The following URGCP variants were observed in gnomAD, a reference collection of about 807,000 sequenced individuals.
The protein encoded by URGCP is upregulator of cell proliferation.
In URGCP, 13 loss-of-function variants were observed where a neutral mutation model predicts 24.6. The ratio of observed to expected loss-of-function variants is 0.53; its 90% confidence interval spans 0.34 to 0.84. The LOEUF is 0.84. Ranked by LOEUF, URGCP falls within the 40% of genes least tolerant of loss-of-function variation. URGCP has a pLI of 0.01. For synonymous variants in URGCP, 444 were observed against 487.2 expected (o/e 0.91, Z 1.17); for missense variants, 899 against 1,194.3 (o/e 0.75, Z 3.64).
At chr7:43,918,907 C>T in intron 1 of URGCP, 1 of 1,402,930 alleles carries the variant, frequency 7.1e-7, no homozygotes. Context: ...GACCTGGAGC[C>T]CCAGGTGATC....
chr7:43,914,364 G>A (rs2095913337), intron 1 of URGCP, among the ~76,000 whole-genome samples: 1 of 152,094 alleles, frequency 6.6e-6, no homozygotes, highest in African/African-American at 2.4e-5. Flanking sequence ...ATTTAGCCGG[G>A]TATGCTAATG....
rs1304687618 is a variant in URGCP at position 43,876,994 on chromosome 7, A to T, written c.2469T>A (p.His823Gln). ...GCCTAGGGCCGGGAACAGATACATC[A>T]TGAAGGTTCTGGTATACAAACTGGT... ...PNYQFVYQNL[H>Q]DVSVPGPRPR... The change falls in exon 6 of 6, where the codon CAT becomes CAA. Residue 823 changes from histidine (H) to glutamine (Q), a missense_variant. Physicochemically the swap from His to Gln is conservative, Grantham distance 24 (BLOSUM62 0). Transcript: ENST00000453200. 1 of 1,614,226 alleles carries T rather than the reference A, an allele frequency of 6.2e-7. No homozygotes were observed. The highest frequency in any genetic ancestry group is 1.7e-5 in the Admixed American group (1 of 60,036).
At chr7:43,886,117 G>A (rs1169878033) in intron 3 of URGCP, among the ~76,000 whole-genome samples, 1 of 152,076 alleles carries the variant, frequency 6.6e-6, no homozygotes, top group Non-Finnish European at 1.5e-5. Context: ...GTTAGTGCAT[G>A]GTAAGTACTC....
intron 1 of URGCP, among the ~76,000 whole-genome samples, chr7:43,895,445 GTGGA>G (rs1033335877): frequency 1.6e-4 from 24 of 152,218 alleles, no homozygotes; most frequent in African/African-American, 5.3e-4. Flanking sequence ...GGAGGCCAAG[GTGGA>G]TGGATTGTTT....
At chr7:43,898,075 T>A (rs1562582697) in intron 1 of URGCP, among the ~76,000 whole-genome samples, 1 of 151,944 alleles carries the variant, frequency 6.6e-6, no homozygotes, top group African/African-American at 2.4e-5. Flanking sequence ...ATAAAGGCAA[T>A]CCTTCAACGC....
At chr7:43,898,746 AAAAT>A (rs71563928) in intron 1 of URGCP, among the ~76,000 whole-genome samples, 5,720 of 143,858 alleles carry the variant, frequency 0.04, 305 homozygotes, top group African/African-American at 0.12. Context: ...CCCTGTCTCA[AAAAT>A]AAATAAATAA....
rs1373509406 is a variant in URGCP, at chr7:43,919,502, T to C, written c.-116+6630A>G. ...TCATTCCCACCCCATGGCTCCACTT[T>C]CTCATGACTGGCTACACCCAGCTGA... On this transcript the variant is annotated intron_variant, in intron 1 of 5. Transcript: ENST00000426198. 12 of 1,224,212 alleles carry C rather than the reference T, an allele frequency of 9.8e-6. No individual in the cohort carries two copies. The South Asian group carries it at 1.4e-4, about 15-fold the overall frequency. The allele number at this position is 1,224,212 out of a possible 1,614,324, so 75.8% of individuals were successfully genotyped here.
At chr7:43,896,120 A>G (rs2095877899) in intron 1 of URGCP, among the ~76,000 whole-genome samples, 1 of 152,206 alleles carries the variant, frequency 6.6e-6, no homozygotes, top group Admixed American at 6.5e-5. Context: ...CTAAGAAAAA[A>G]ATTGAGTGAA....
At chr7:43,881,547 C>T in intron 5 of URGCP, 112 bp downstream of exon 5, 1 of 1,326,662 alleles carries the variant, frequency 7.5e-7, no homozygotes, top group Non-Finnish European at 1.0e-6. Context: ...GCATCCTAAA[C>T]CTGAGTGCTC....
At chr7:43,908,598 C>T (rs2095906738), upstream of URGCP, among the ~76,000 whole-genome samples, 1 of 152,172 alleles carries the variant, frequency 6.6e-6, no homozygotes, top group Admixed American at 6.6e-5. Flanking sequence ...TCTTGCCCTC[C>T]CTGTAAGACC....
chr7:43,913,661 TTC>T (rs2095912574), intron 1 of URGCP, among the ~76,000 whole-genome samples: 1 of 152,208 alleles, frequency 6.6e-6, no homozygotes, highest in Non-Finnish European at 1.5e-5. Context: ...ACTTTCAAGA[TTC>T]TCTGTTTTTG....
intron 2 of URGCP, 120 bp from the exon 3 acceptor site, chr7:43,887,605 C>T (rs780527785): frequency 2.0e-6 from 3 of 1,480,182 alleles, no homozygotes; most frequent in East Asian, 2.5e-5. Flanking sequence ...CTGGGTCACA[C>T]CCCAGATCCA....
chr7:43,926,467 G>A, upstream of URGCP: 9 of 1,395,674 alleles, frequency 6.4e-6, no homozygotes, highest in South Asian at 1.5e-5. Flanking sequence ...GGTGGCGGCT[G>A]AGCCGGCAGC....
chr7:43,921,445 T>C (rs972526043), intron 1 of URGCP, among the ~76,000 whole-genome samples: 41 of 152,382 alleles, frequency 2.7e-4, no homozygotes, highest in African/African-American at 9.4e-4. Context: ...TTCATGTGAC[T>C]TTAATCCTTG....
At chr7:43,885,102 ATTT>A (rs10707770) in intron 3 of URGCP, among the ~76,000 whole-genome samples, 6 of 148,108 alleles carry the variant, frequency 4.1e-5, no homozygotes, top group African/African-American at 2.5e-5. Context: ...GTATAGTATA[ATTT>A]TTTTTTTTTT....
At chr7:43,925,684 G>T (rs1176570100) in intron 1 of URGCP, among the ~76,000 whole-genome samples, 1 of 151,724 alleles carries the variant, frequency 6.6e-6, no homozygotes, top group Non-Finnish European at 1.5e-5. Context: ...ATTTTTAGTA[G>T]AGACGGAGTT....
At chr7:43,896,411 C>A (rs980117251) in intron 1 of URGCP, among the ~76,000 whole-genome samples, 3 of 148,660 alleles carry the variant, frequency 2.0e-5, no homozygotes, top group East Asian at 4.0e-4. Context: ...GCCAAGATTG[C>A]GCCACGACAA....
At chr7:43,892,846 A>G (rs1340015097) in intron 1 of URGCP, among the ~76,000 whole-genome samples, 1 of 152,188 alleles carries the variant, frequency 6.6e-6, no homozygotes, top group Admixed American at 6.5e-5. Flanking sequence ...AAGGAGAAAT[A>G]AAGTGTTTCC....
chr7:43,884,580 G>A (rs1177745417), intron 3 of URGCP, among the ~76,000 whole-genome samples: 1 of 152,230 alleles, frequency 6.6e-6, no homozygotes, highest in Non-Finnish European at 1.5e-5. Context: ...TGTAACCACA[G>A]CAATTTGGGA....
Sources: allele counts gnomAD v4.1 joint callset (sites outside exome capture counted in the v4.1 genomes callset), GRCh38; gene constraint gnomAD v4.1.1; transcripts MANE v1.5; gene names NCBI Gene and HGNC (gene_info 2026-07-23, HGNC 2026-07-21).